ANK2: variants seen among roughly 807,000 people sequenced by gnomAD.
ANK2 encodes the protein ankyrin 2.
A neutral mutation model predicts 360.5 loss-of-function variants in ANK2; 83 were observed. That is an observed-to-expected ratio of 0.23 (90% CI 0.19 to 0.28). ANK2 has a LOEUF of 0.28. ANK2 is among the 10% of genes least tolerant of loss of function. ANK2 has a pLI of 1.00. For missense variants in ANK2, 4,201 were observed against 4,795.7 expected (o/e 0.88, Z 3.66); for synonymous variants, 1,740 against 1,759.5 (o/e 0.99, Z 0.28).
chr4:113,354,986 A>G lies in ANK2; in HGVS notation c.6368A>G (p.Asp2123Gly). 1.2e-6 allele frequency: 2 copies of G among 1,614,080 alleles called. No individual in the cohort carries two copies. Among genetic ancestry groups the G allele is most frequent in the Admixed American group, 1.7e-5 (1 of 60,018 alleles). Residue 2123 changes from aspartate to glycine, a missense_variant, in exon 38 of 46, where the codon GAT becomes GGT. Asp to Gly is a moderately conservative substitution (Grantham distance 94, BLOSUM62 -1). This residue lies in a region of ANK2 where 2,642 missense variants were observed against 2,714.5 expected (regional missense o/e 0.97). Transcript: ENST00000357077. ...EKMADEQGDMDLQISPDRKTS... is the reference protein window; with the variant it reads ...EKMADEQGDMGLQISPDRKTS... ...ATGGCTGATGAGCAGGGAGACATGG[A>G]TCTACAGATCAGCCCAGATAGGAAA...
chr4:112,746,630 T>C, the ANK2 span, among the ~76,000 whole-genome samples: 1 of 152,214 alleles, frequency 6.6e-6, no homozygotes, highest in Non-Finnish European at 1.5e-5. Context: ...GATGATGTGC[T>C]CCTTAGCTTA....
At chr4:112,738,739 A>G in the ANK2 span, 2 of 617,892 alleles carry the variant, frequency 3.2e-6, no homozygotes, top group Non-Finnish European at 6.1e-6. Flanking sequence ...TTCATCCGGC[A>G]CCAGTCAGAC....
the ANK2 span, chr4:112,797,926 A>G: frequency 1.3e-5 from 2 of 156,098 alleles, no homozygotes; most frequent in African/African-American, 4.8e-5. Flanking sequence ...CATAATATCT[A>G]TGGCAGCCAG....
intron 27 of ANK2, among the ~76,000 whole-genome samples, 153 bp from the exon 28 acceptor site, chr4:113,331,819 T>G (rs1296639485): frequency 6.6e-6 from 1 of 152,176 alleles, no homozygotes; most frequent in East Asian, 1.9e-4. Flanking sequence ...CTCGGTTCCT[T>G]GCTCTTTGTG....
chr4:113,258,674 C>G (rs2050868111), intron 13 of ANK2, among the ~76,000 whole-genome samples: 2 of 152,176 alleles, frequency 1.3e-5, no homozygotes, highest in African/African-American at 4.8e-5. Context: ...ATTGAACATG[C>G]ATCTTAAATG....
intron 1 of ANK2, among the ~76,000 whole-genome samples, chr4:113,170,510 C>CAT (rs1231378859): frequency 6.6e-6 from 1 of 152,150 alleles, no homozygotes; most frequent in East Asian, 1.9e-4. Flanking sequence ...TTTATACTCA[C>CAT]ATATAGGGTA....
chr4:112,918,876 G>A (rs1359254963), intron 2 of ANK2, among the ~76,000 whole-genome samples: 1 of 152,048 alleles, frequency 6.6e-6, no homozygotes, highest in Non-Finnish European at 1.5e-5. Flanking sequence ...TCTTGAACGT[G>A]GAATTCATGT....
At chr4:112,910,817 A>C (rs2086902103) in intron 2 of ANK2, among the ~76,000 whole-genome samples, 1 of 152,232 alleles carries the variant, frequency 6.6e-6, no homozygotes, top group African/African-American at 2.4e-5. Flanking sequence ...TGTTTAAAAA[A>C]ATGTTGAAAG....
At chr4:113,225,442 T>C (rs1258990961) in intron 4 of ANK2, among the ~76,000 whole-genome samples, 1 of 152,186 alleles carries the variant, frequency 6.6e-6, no homozygotes, top group Non-Finnish European at 1.5e-5. Context: ...CATTTACTCT[T>C]ATATTAAGAT....
In ANK2 at chr4:113,382,255, T is replaced by C. The variant is rs573570573; in HGVS notation, c.*784T>C. The C allele has an allele frequency of 1.8e-4, 28 of 158,558 alleles. 1 individual carries two copies. In the South Asian group the frequency reaches 5.2e-3, roughly 29 times the overall value. 9.8% of individuals were successfully genotyped at this position (158,558 alleles called of 1,614,324 possible). ...CTGCTCCCAGTTAAAGGTGGGTCAGTAGCCTTGCAGAACTGTCCTGAGAAG... is the reference window on the plus strand; with the variant it reads ...CTGCTCCCAGTTAAAGGTGGGTCAGCAGCCTTGCAGAACTGTCCTGAGAAG... On this transcript the variant is annotated 3_prime_UTR_variant, in exon 46 of 46. Coordinates refer to ENST00000357077, the MANE Select transcript of ANK2 (RefSeq NM_001148.6).
At chr4:113,076,347 T>G (rs992346251) in intron 1 of ANK2, among the ~76,000 whole-genome samples, 1 of 152,240 alleles carries the variant, frequency 6.6e-6, no homozygotes, top group African/African-American at 2.4e-5. Flanking sequence ...TCTTAGGAAT[T>G]TACTATTTTC....
chr4:113,145,906 A>G (rs1205644528), intron 1 of ANK2: 3 of 1,289,810 alleles, frequency 2.3e-6, no homozygotes, highest in Middle Eastern at 2.1e-4. Flanking sequence ...TGCCATGCGG[A>G]TAAGAGCATA....
chr4:112,759,928 C>G, the ANK2 span, among the ~76,000 whole-genome samples: 3 of 152,234 alleles, frequency 2.0e-5, no homozygotes, highest in Admixed American at 2.0e-4. Flanking sequence ...GTAAAAATCA[C>G]AGCATAGTAG....
chr4:113,112,817 T>C (rs1472956957), intron 1 of ANK2, among the ~76,000 whole-genome samples: 1 of 152,196 alleles, frequency 6.6e-6, no homozygotes, highest in Non-Finnish European at 1.5e-5. Context: ...GATTTGGAGC[T>C]GGAGTGTCCT....
intron 23 of ANK2, among the ~76,000 whole-genome samples, chr4:113,310,780 C>T (rs1476090183): frequency 6.6e-6 from 1 of 152,206 alleles, no homozygotes; most frequent in African/African-American, 2.4e-5. Context: ...GCAGCTTGCA[C>T]TGTGCTTGTA....
intron 2 of ANK2, among the ~76,000 whole-genome samples, chr4:112,915,888 T>C (rs955206146): frequency 9.9e-5 from 15 of 152,136 alleles, no homozygotes; most frequent in Admixed American, 2.0e-4. Flanking sequence ...CTTAGTATAA[T>C]TATTATATAA....
chr4:112,719,612 A>C, the ANK2 span, among the ~76,000 whole-genome samples: 45 of 151,880 alleles, frequency 3.0e-4, no homozygotes, highest in African/African-American at 4.6e-4. Context: ...CCTGTAGTCC[A>C]AGCTACTCGG....
intron 4 of ANK2, among the ~76,000 whole-genome samples, chr4:113,223,586 C>T (rs558720727): frequency 6.6e-6 from 1 of 152,166 alleles, no homozygotes; most frequent in Non-Finnish European, 1.5e-5. Flanking sequence ...AGCTAAATGA[C>T]TACAAAATCT....
intron 1 of ANK2, among the ~76,000 whole-genome samples, chr4:113,092,627 T>A (rs1486246271): frequency 1.3e-5 from 2 of 152,210 alleles, no homozygotes; most frequent in African/African-American, 4.8e-5. Flanking sequence ...CTCCATTTCT[T>A]GCTACTTACT....
Sources: gnomAD v4.1 joint callset for allele counts (sites outside exome capture counted in the v4.1 genomes callset) on GRCh38, gnomAD v4.1.1 for gene constraint, gnomAD v4.1.1 regional missense constraint, MANE v1.5 for transcripts, NCBI Gene and HGNC (gene_info 2026-07-23, HGNC 2026-07-21) for gene names.